Variants in SENP6 observed in about 807,000 individuals in gnomAD.
SENP6 encodes SUMO specific peptidase 6.
Under a neutral mutation model 134.5 loss-of-function variants are expected in SENP6, and 41 were observed. The observed-to-expected ratio is 0.30, with a 90% CI of 0.24 to 0.40. The LOEUF (loss-of-function observed/expected upper bound fraction) is 0.40. Among genes scored for constraint, SENP6 ranks in the 10% least tolerant of loss-of-function variants. SENP6 has a pLI of 1.00. For synonymous variants in SENP6, 395 were observed against 429.8 expected (o/e 0.92, Z 1.00); for missense variants, 1,248 against 1,312.5 (o/e 0.95, Z 0.76).
intron 21 of SENP6, among the ~76,000 whole-genome samples, chr6:75,713,103 A>G (rs545819015): frequency 1.3e-5 from 2 of 152,302 alleles, no homozygotes; most frequent in Admixed American, 1.3e-4. Flanking sequence ...CTGCCTGAAA[A>G]AAATGGGCCG....
chr6:75,715,608 T>G lies in SENP6; in HGVS notation c.*14T>G. On this transcript the variant is annotated 3_prime_UTR_variant, in exon 24 of 24. Coordinates refer to ENST00000447266, the MANE Select transcript of SENP6 (RefSeq NM_015571.4). ...ATCTCAGATTGACCATTTCTGTTAC[T>G]TGTCATTTCTACTTTCAGAAACTAA... 2 of 1,586,686 alleles carry G rather than the reference T, an allele frequency of 1.3e-6. No individual in the cohort carries two copies. The highest frequency in any genetic ancestry group is 1.1e-5 in the South Asian group (1 of 88,636).
intron 11 of SENP6, among the ~76,000 whole-genome samples, chr6:75,671,187 T>G (rs941994501): frequency 2.0e-5 from 3 of 152,252 alleles, no homozygotes; most frequent in African/African-American, 7.2e-5. Context: ...GTGTACTTAC[T>G]ATTCTGCCAC....
chr6:75,623,077 T>C (rs1768395820), intron 2 of SENP6, among the ~76,000 whole-genome samples: 1 of 152,160 alleles, frequency 6.6e-6, no homozygotes, highest in Non-Finnish European at 1.5e-5. Context: ...AAAAAAAAGT[T>C]TGGATGTATA....
In SENP6 at chr6:75,715,756, A is replaced by C; in HGVS notation, c.*162A>C. The C allele has an allele frequency of 2.0e-6, 1 of 487,986 alleles. No individual in the cohort carries two copies. The highest frequency in any genetic ancestry group is 3.5e-6 in the Non-Finnish European group (1 of 283,824). 30.2% of individuals were successfully genotyped at this position (487,986 alleles called of 1,614,324 possible). A position where few individuals can be genotyped will look rare whatever the true frequency, so the allele number is the denominator to read the frequency against. ...TTTCCAAAGGCGTATGTATTAAGTA[A>C]AAGTCTGTAAATATGTTAATGAGGC... is the stretch of plus-strand genomic sequence containing the variant. On this transcript the variant is annotated 3_prime_UTR_variant, in exon 24 of 24. Coordinates refer to ENST00000447266, the MANE Select transcript of SENP6 (RefSeq NM_015571.4).
rs1334184352 is a variant in SENP6, at chr6:75,716,029, G to A, written c.*435G>A. The stretch of plus-strand genomic sequence containing the variant: ...ACCCTTTATATTTGTTCTAAAATAA[G>A]TCAAAATGTGAAAATAATATTAAAT... On this transcript the variant is annotated 3_prime_UTR_variant, in exon 24 of 24. Transcript: ENST00000447266. 6.6e-6 allele frequency: 1 copy of A among 152,608 alleles called. No individual in the cohort carries two copies. The highest frequency in any genetic ancestry group is 1.5e-5 in the Non-Finnish European group (1 of 68,118). The allele number at this position is 152,608 out of a possible 1,614,324, so 9.5% of individuals were successfully genotyped here.
chr6:75,602,131 T>G lies in SENP6; in HGVS notation c.-394T>G. ...CGGCCTGGGACGAAGGGAGGCGTGT[T>G]TGTGTGCTCGCTTTCATTCTCCTTT... is the stretch of plus-strand genomic sequence containing the variant. On this transcript the variant is annotated 5_prime_UTR_variant, in exon 1 of 24. Coordinates refer to ENST00000447266, the MANE Select transcript of SENP6 (RefSeq NM_015571.4). 5.9e-6 allele frequency: 1 copy of G among 170,336 alleles called. No homozygotes were observed. 10.6% of individuals were successfully genotyped at this position (170,336 alleles called of 1,614,324 possible).
chr6:75,697,092 C>T (rs558490009), intron 17 of SENP6, among the ~76,000 whole-genome samples: 2 of 152,220 alleles, frequency 1.3e-5, no homozygotes, highest in South Asian at 2.1e-4. Flanking sequence ...TACCCTAAGT[C>T]GTGCTTGGCT....
intron 19 of SENP6, among the ~76,000 whole-genome samples, chr6:75,705,201 C>G (rs1231027596): frequency 1.3e-5 from 2 of 152,190 alleles, no homozygotes; most frequent in Admixed American, 1.3e-4. Flanking sequence ...CTCTTCAGCT[C>G]TAATAACTTG....
intron 6 of SENP6, among the ~76,000 whole-genome samples, chr6:75,641,683 A>G (rs1770039906): frequency 6.6e-6 from 1 of 152,200 alleles, no homozygotes; most frequent in African/African-American, 2.4e-5. Flanking sequence ...GTGGGTATCC[A>G]TAAGAGTAGC....
At position 75,666,853 on chromosome 6, in the gene SENP6, G is replaced by A. The variant is rs1311853790; in HGVS notation, c.1136G>A (p.Cys379Tyr). Reference protein sequence around the residue: ...KVEAALNENTCRAERELRSIP... With the variant: ...KVEAALNENTYRAERELRSIP... Reference sequence around the variant, plus strand: ...GAAGCAGCGCTAAATGAAAATACTTGCAGAGCAGAGCGTGAACTACGAAGC... The same window carrying A: ...GAAGCAGCGCTAAATGAAAATACTTACAGAGCAGAGCGTGAACTACGAAGC... Residue 379 changes from cysteine to tyrosine, a missense_variant, in exon 10 of 24, where the codon TGC becomes TAC. Cys to Tyr is a radical substitution (Grantham distance 194). Transcript: ENST00000447266. The A allele has an allele frequency of 1.9e-6, 3 of 1,613,578 alleles. No homozygotes were observed. Among genetic ancestry groups the A allele is most frequent in the African/African-American group, 1.3e-5 (1 of 74,908 alleles).
chr6:75,651,456 A>G (rs1299046643), intron 7 of SENP6, among the ~76,000 whole-genome samples: 1 of 152,064 alleles, frequency 6.6e-6, no homozygotes, highest in Non-Finnish European at 1.5e-5. Flanking sequence ...CTAGTCTTAC[A>G]TCATTCTCCC....
chr6:75,637,386 A>C (rs771236132), intron 5 of SENP6, among the ~76,000 whole-genome samples: 36 of 152,042 alleles, frequency 2.4e-4, no homozygotes, highest in Non-Finnish European at 1.6e-4. Flanking sequence ...AAAATACCAC[A>C]TTAGATTAGG....
chr6:75,624,762 CTT>C (rs987832676), intron 3 of SENP6, among the ~76,000 whole-genome samples: 1 of 152,060 alleles, frequency 6.6e-6, no homozygotes, highest in Admixed American at 6.6e-5. Context: ...CTAAGACACA[CTT>C]TTTTTCACAT....
chr6:75,609,578 C>T (rs923157552), intron 1 of SENP6, among the ~76,000 whole-genome samples: 6 of 152,084 alleles, frequency 3.9e-5, no homozygotes, highest in Non-Finnish European at 7.3e-5. Flanking sequence ...TATTTTTTCC[C>T]CATTCTTTCA....
chr6:75,647,604 T>C (rs1770554245), intron 6 of SENP6, 127 bp from the exon 7 acceptor site: 3 of 497,134 alleles, frequency 6.0e-6, no homozygotes, highest in Non-Finnish European at 1.1e-5. Context: ...TTTTATAGTA[T>C]CACTTTTTAT....
rs1348858391 is a variant in SENP6 at position 75,658,993 on chromosome 6, AAAAAAAAG to A, written c.551-268_551-261del. On this transcript the variant is annotated intron_variant, in intron 7 of 23. Coordinates refer to ENST00000447266, the MANE Select transcript of SENP6 (RefSeq NM_015571.4). ...TCTCCCCAAAAAAAAAAAAAAAAAA[AAAAAAAAG>A]GGGAATTGTGAGTATGTGAGTGGTT... Among the ~76,000 whole-genome samples the A allele has an allele frequency of 1.9e-4, 29 of 149,054 alleles. 1 individual carries two copies. Among genetic ancestry groups the A allele is most frequent in the East Asian group, 1.2e-3 (6 of 5,124 alleles).
Position 75,703,001 on chromosome 6 carries a change from A to G in SENP6, c.2645A>G (p.Gln882Arg). The G allele has an allele frequency of 2.5e-6, 4 of 1,613,978 alleles. No individual in the cohort carries two copies. Among genetic ancestry groups the G allele is most frequent in the Non-Finnish European group, 3.4e-6 (4 of 1,179,942 alleles). The part of the protein sequence containing the change: ...EEFNKGESTS[Q>R]KVADRTKSEN... The stretch of plus-strand genomic sequence containing the variant: ...TTCAATAAAGGAGAATCTACATCCC[A>G]GAAAGTTGCTGATAGGACTAAAAGT... The change falls in exon 19 of 24, where the codon CAG becomes CGG. Residue 882 changes from glutamine (Q) to arginine (R), a missense_variant. Transcript: ENST00000447266.
At chr6:75,714,993 C>A (rs888832883) in intron 23 of SENP6, among the ~76,000 whole-genome samples, 2 of 152,180 alleles carry the variant, frequency 1.3e-5, no homozygotes, top group Non-Finnish European at 2.9e-5. Context: ...CTGGAGCTGG[C>A]AAACTTGTTA....
chr6:75,606,835 G>A (rs1427953228), intron 1 of SENP6, among the ~76,000 whole-genome samples: 1 of 152,058 alleles, frequency 6.6e-6, no homozygotes, highest in Non-Finnish European at 1.5e-5. Context: ...CAAGCATTTC[G>A]GATAAGGGAC....
Sources: allele counts gnomAD v4.1 joint callset (sites outside exome capture counted in the v4.1 genomes callset), GRCh38; gene constraint gnomAD v4.1.1; transcripts MANE v1.5; gene names NCBI Gene and HGNC (gene_info 2026-07-23, HGNC 2026-07-21).